Variants in KCNAB1 observed in about 807,000 individuals in gnomAD.
The protein encoded by KCNAB1 is potassium voltage-gated channel subfamily A regulatory beta subunit 1, also known as voltage-gated potassium channel subunit beta-1.
KCNAB1 carries 35 observed loss-of-function variants against 64.6 expected under a neutral mutation model. The ratio of observed to expected loss-of-function variants is 0.54; its 90% CI spans 0.41 to 0.72. The LOEUF (loss-of-function observed/expected upper bound fraction) is 0.72, where lower values mean the gene tolerates loss of function less well. Among genes scored for constraint, KCNAB1 ranks in the 30% least tolerant of loss-of-function variants. The pLI is 0.00. For synonymous variants in KCNAB1, 177 were observed against 183.8 expected, an observed-to-expected ratio of 0.96 and a Z score of 0.30; for missense variants, 401 against 512.9, an observed-to-expected ratio of 0.78 and a Z score of 2.11.
At chr3:156,353,668 T>G (rs1725005083) in intron 1 of KCNAB1, among the ~76,000 whole-genome samples, 1 of 152,182 alleles carries the variant, frequency 6.6e-6, no homozygotes, top group Admixed American at 6.5e-5. Context: ...GTTGCCAGGC[T>G]CCTCGCTGGC....
chr3:156,231,263 G>A (rs116449737), intron 1 of KCNAB1, among the ~76,000 whole-genome samples: 353 of 152,196 alleles, frequency 2.3e-3, no homozygotes, highest in Non-Finnish European at 2.4e-3. Flanking sequence ...AAGGGGTCTG[G>A]GGAGTCATGT....
intron 1 of KCNAB1, among the ~76,000 whole-genome samples, chr3:156,238,295 G>A (rs1420540579): frequency 1.3e-5 from 2 of 152,020 alleles, no homozygotes; most frequent in East Asian, 1.9e-4. Context: ...GGTGGTGGGC[G>A]CCTGTAGTCC....
chr3:156,205,943 C>G (rs1005605987), intron 1 of KCNAB1, among the ~76,000 whole-genome samples: 3 of 152,218 alleles, frequency 2.0e-5, no homozygotes, highest in African/African-American at 7.2e-5. Flanking sequence ...AGACGTCATG[C>G]TCTTTTATGC....
intron 1 of KCNAB1, among the ~76,000 whole-genome samples, chr3:156,356,062 C>T (rs1725210337): frequency 6.9e-6 from 1 of 145,220 alleles, no homozygotes; most frequent in South Asian, 2.1e-4. Context: ...GTCGAGGCTA[C>T]AGTGAGCCAT....
intron 1 of KCNAB1, among the ~76,000 whole-genome samples, chr3:156,127,899 G>GTGTGTGTA (rs2108260795): frequency 6.6e-6 from 1 of 152,064 alleles, no homozygotes; most frequent in South Asian, 2.1e-4. Flanking sequence ...GTGTGTGTGT[G>GTGTGTGTA]TGTGTGTGTG....
At chr3:156,187,655 G>T (rs1250864008) in intron 1 of KCNAB1, among the ~76,000 whole-genome samples, 1 of 152,146 alleles carries the variant, frequency 6.6e-6, no homozygotes, top group Non-Finnish European at 1.5e-5. Flanking sequence ...ACTTCCTAAT[G>T]ATCTCTTGCA....
intron 2 of KCNAB1, among the ~76,000 whole-genome samples, chr3:156,450,215 C>T (rs1711892890): frequency 6.6e-6 from 1 of 152,186 alleles, no homozygotes; most frequent in African/African-American, 2.4e-5. Context: ...ACCGGCCTGA[C>T]ATTAACTCCA....
intron 1 of KCNAB1, among the ~76,000 whole-genome samples, chr3:156,409,167 C>G (rs1053278340): frequency 3.3e-5 from 5 of 152,176 alleles, no homozygotes; most frequent in Non-Finnish European, 7.3e-5. Flanking sequence ...ATTCTCAGAG[C>G]ACCAGCTACT....
chr3:156,451,429 T>C (rs1711998794), intron 2 of KCNAB1, among the ~76,000 whole-genome samples: 1 of 152,306 alleles, frequency 6.6e-6, no homozygotes, highest in African/African-American at 2.4e-5. Flanking sequence ...GGCAGTGTGG[T>C]GTGGTAAAAA....
intron 8 of KCNAB1, among the ~76,000 whole-genome samples, chr3:156,504,879 C>T (rs770088945): frequency 1.3e-5 from 2 of 151,530 alleles, no homozygotes; most frequent in Non-Finnish European, 2.9e-5. Flanking sequence ...TGTTGATTAG[C>T]TCCTTTGCTG....
chr3:156,246,563 A>G (rs1302035744), intron 1 of KCNAB1, among the ~76,000 whole-genome samples: 2 of 150,992 alleles, frequency 1.3e-5, no homozygotes, highest in Non-Finnish European at 2.9e-5. Flanking sequence ...AGATCATGCT[A>G]CTGCACTCCA....
In KCNAB1 at chr3:156,465,601, G is replaced by A. The variant is rs9859189; in HGVS notation, c.528-42G>A. ...CCAGAGATTTAGAGAAGAAAAGAAA[G>A]CACACTCTCATTCAAAGTTATTTGC... On this transcript the variant is annotated intron_variant, in intron 6 of 13. Coordinates refer to ENST00000490337, the MANE Select transcript of KCNAB1 (RefSeq NM_172160.3). The A allele has an allele frequency of 1.1e-3, 1,719 of 1,569,712 alleles. 18 individuals are homozygous for A. In the African/African-American group the frequency reaches 0.021, roughly 19 times the overall value.
chr3:156,477,283 A>G (rs1469905447), intron 8 of KCNAB1, among the ~76,000 whole-genome samples: 2 of 152,178 alleles, frequency 1.3e-5, no homozygotes, highest in African/African-American at 4.8e-5. Context: ...TTTCCTGAGT[A>G]GTTTCTTATA....
chr3:156,354,114 G>GTGTGTGTATATATATATATATATATATA lies in KCNAB1; in HGVS notation c.276-67496_276-67469dup, dbSNP rs1553851339. 1.2e-3 allele frequency among the ~76,000 whole-genome samples: 123 copies of GTGTGTGTATATATATATATATATATATA among 105,644 alleles called. 2 individuals are homozygous for GTGTGTGTATATATATATATATATATATA. The highest frequency in any genetic ancestry group is 1.8e-3 in the Non-Finnish European group (92 of 50,276). 69.3% of individuals were successfully genotyped at this position (105,644 alleles called of 152,430 possible). A position where few individuals can be genotyped will look rare whatever the true frequency, so the allele number is the denominator to read the frequency against. ...ATATATAATATATGTATATATATGT[G>GTGTGTGTATATATATATATATATATATA]TGTGTGTATATATATATATATATAT... On this transcript the variant is annotated intron_variant, in intron 1 of 13. Transcript: ENST00000490337.
chr3:156,474,343 C>T (rs1236205711), intron 7 of KCNAB1, among the ~76,000 whole-genome samples: 1 of 152,116 alleles, frequency 6.6e-6, no homozygotes, highest in East Asian at 1.9e-4. Context: ...CACTATAAGC[C>T]TATTAAGTGA....
chr3:156,353,165 C>T (rs1724967795), intron 1 of KCNAB1, among the ~76,000 whole-genome samples: 2 of 152,240 alleles, frequency 1.3e-5, no homozygotes, highest in Non-Finnish European at 2.9e-5. Flanking sequence ...AGTGACAGTT[C>T]TTCATTAGCA....
At position 156,476,250 on chromosome 3, in the gene KCNAB1, A is replaced by G. The variant is rs557934176; in HGVS notation, c.658+1430A>G. Reference sequence around the variant, plus strand: ...GTAAGATTTTGGTGCACTTATCACTAGAGCAGAATACACTGCACCATATTT... The same window carrying G: ...GTAAGATTTTGGTGCACTTATCACTGGAGCAGAATACACTGCACCATATTT... On this transcript the variant is annotated intron_variant, in intron 8 of 13. Transcript: ENST00000490337. Among the ~76,000 whole-genome samples, 12 of 152,162 alleles carry G rather than the reference A, an allele frequency of 7.9e-5. No individual in the cohort carries two copies. In the South Asian group the frequency reaches 2.1e-3, roughly 26 times the overall value.
chr3:156,133,733 G>A (rs1298166436), intron 1 of KCNAB1, among the ~76,000 whole-genome samples: 1 of 152,158 alleles, frequency 6.6e-6, no homozygotes, highest in South Asian at 2.1e-4. Flanking sequence ...CGGGAGGCAG[G>A]GAGACAGGGA....
intron 1 of KCNAB1, among the ~76,000 whole-genome samples, chr3:156,349,946 T>C (rs560652894): frequency 6.6e-6 from 1 of 152,352 alleles, no homozygotes; most frequent in Admixed American, 6.5e-5. Context: ...TATGAATGTT[T>C]AGCCTATTGG....
Sources: allele counts gnomAD v4.1 joint callset (sites outside exome capture counted in the v4.1 genomes callset), GRCh38; gene constraint gnomAD v4.1.1; transcripts MANE v1.5; gene names NCBI Gene and HGNC (gene_info 2026-07-23, HGNC 2026-07-21).